Variants in MAF observed in about 807,000 individuals in gnomAD.
MAF encodes MAF bZIP transcription factor, also known as transcription factor Maf.
MAF carries 10 observed loss-of-function variants against 22.0 expected under a neutral mutation model. The observed-to-expected ratio is 0.45, with a 90% confidence interval of 0.28 to 0.77. MAF has a LOEUF of 0.77. Ranked by LOEUF, MAF falls within the 30% of genes least tolerant of loss-of-function variation. The pLI is 0.12. For synonymous variants in MAF, 337 were observed against 255.8 expected, an observed-to-expected ratio of 1.32 and a Z score of -3.03; for missense variants, 544 against 548.4, an observed-to-expected ratio of 0.99 and a Z score of 0.08.
At chr16:79,412,992 G>A in the MAF span, among the ~76,000 whole-genome samples, 2 of 152,116 alleles carry the variant, frequency 1.3e-5, no homozygotes, top group African/African-American at 2.4e-5. Flanking sequence ...ACAGCTTCCT[G>A]TAAAAACACA....
At chr16:79,475,215 C>A in the MAF span, among the ~76,000 whole-genome samples, 1 of 152,116 alleles carries the variant, frequency 6.6e-6, no homozygotes, top group African/African-American at 2.4e-5. Context: ...CCGTTGCTAA[C>A]ACTCTGCCAG....
chr16:79,382,786 G>A, the MAF span, among the ~76,000 whole-genome samples: 61 of 152,302 alleles, frequency 4.0e-4, no homozygotes, highest in Non-Finnish European at 7.6e-4. Context: ...ATAAAATGGT[G>A]CATTTATGTT....
At chr16:79,535,586 C>CTTTTTTTTTTTTTTTTTTTTTTTTT in the MAF span, among the ~76,000 whole-genome samples, 9 of 130,590 alleles carry the variant, frequency 6.9e-5, 4 homozygotes, top group Non-Finnish European at 1.1e-4. Context: ...ATTGCTTCTT[C>CTTTTTTTTTTTTTTTTTTTTTTTTT]TTTTTTTTTT....
the MAF span, among the ~76,000 whole-genome samples, chr16:79,344,180 G>A: frequency 1.3e-5 from 2 of 152,148 alleles, no homozygotes; most frequent in Admixed American, 1.3e-4. Flanking sequence ...GATGAAAATT[G>A]CATCTATACT....
chr16:79,307,792 G>C, the MAF span, among the ~76,000 whole-genome samples: 1 of 152,158 alleles, frequency 6.6e-6, no homozygotes, highest in Non-Finnish European at 1.5e-5. Flanking sequence ...TTAGGCCCTG[G>C]ATTGTGCTAG....
chr16:79,381,920 C>T, the MAF span, among the ~76,000 whole-genome samples: 6 of 152,166 alleles, frequency 3.9e-5, no homozygotes, highest in East Asian at 1.9e-4. Context: ...TGAACTTCCT[C>T]GCTTAACCCA....
chr16:79,416,424 T>C, the MAF span, among the ~76,000 whole-genome samples: 2 of 151,426 alleles, frequency 1.3e-5, no homozygotes, highest in Non-Finnish European at 2.9e-5. Context: ...GAAATATAGG[T>C]GCTTCTGTTT....
At chr16:79,208,808 A>T in the MAF span, among the ~76,000 whole-genome samples, 1 of 152,200 alleles carries the variant, frequency 6.6e-6, no homozygotes, top group Non-Finnish European at 1.5e-5. Flanking sequence ...TCATATTAAG[A>T]TGTCACTCAG....
chr16:79,350,962 T>G, the MAF span, among the ~76,000 whole-genome samples: 2 of 151,900 alleles, frequency 1.3e-5, no homozygotes, highest in Admixed American at 6.6e-5. Flanking sequence ...CCAGATGATC[T>G]GAGAAGGCCT....
the MAF span, among the ~76,000 whole-genome samples, chr16:79,230,465 G>A: frequency 1.6e-3 from 250 of 152,282 alleles, 7 homozygotes; most frequent in East Asian, 0.041. Flanking sequence ...CGGGTGGGCG[G>A]TCTTGAGCAA....
chr16:79,455,891 T>A, the MAF span, among the ~76,000 whole-genome samples: 1 of 151,946 alleles, frequency 6.6e-6, no homozygotes, highest in Non-Finnish European at 1.5e-5. Flanking sequence ...GGAGGCGCAT[T>A]CCTGTAATCT....
chr16:79,475,706 T>C, the MAF span, among the ~76,000 whole-genome samples: 2 of 152,146 alleles, frequency 1.3e-5, no homozygotes, highest in African/African-American at 2.4e-5. Flanking sequence ...TGTATATAAA[T>C]TTCACCTTAA....
chr16:79,229,683 A>G, the MAF span, among the ~76,000 whole-genome samples: 1 of 150,484 alleles, frequency 6.6e-6, no homozygotes, highest in African/African-American at 2.4e-5. Context: ...TGCTTGAGCC[A>G]CGGGGCTGGC....
the MAF span, among the ~76,000 whole-genome samples, chr16:79,273,729 C>G: frequency 6.6e-6 from 1 of 152,140 alleles, no homozygotes; most frequent in Non-Finnish European, 1.5e-5. Context: ...AATAATTATG[C>G]CCACCCAGAT....
At chr16:79,597,761 AG>A in intron 1 of MAF, 1 of 1,019,514 alleles carries the variant, frequency 9.8e-7, no homozygotes, top group Non-Finnish European at 1.2e-6. Context: ...GGAAAAAAAA[AG>A]GAAAAAATAA....
At chr16:79,326,781 G>A in the MAF span, among the ~76,000 whole-genome samples, 9 of 152,266 alleles carry the variant, frequency 5.9e-5, no homozygotes, top group East Asian at 1.9e-4. Flanking sequence ...GCAGGCTATC[G>A]TTTGCTGACT....
At chr16:79,389,849 G>A in the MAF span, among the ~76,000 whole-genome samples, 9 of 151,552 alleles carry the variant, frequency 5.9e-5, no homozygotes, top group South Asian at 2.1e-4. Flanking sequence ...GGTGGTGGGC[G>A]CCTGTAGTCC....
At chr16:79,492,820 A>G in the MAF span, among the ~76,000 whole-genome samples, 37 of 152,262 alleles carry the variant, frequency 2.4e-4, no homozygotes, top group African/African-American at 8.9e-4. Context: ...AAAACTGGCA[A>G]TATTATTCTT....
At chr16:79,249,257 T>C in the MAF span, among the ~76,000 whole-genome samples, 1 of 151,964 alleles carries the variant, frequency 6.6e-6, no homozygotes, top group Non-Finnish European at 1.5e-5. Flanking sequence ...CCATCTCTAC[T>C]AAAAATACAA....
Sources: allele counts gnomAD v4.1 joint callset (sites outside exome capture counted in the v4.1 genomes callset), GRCh38; gene constraint gnomAD v4.1.1; transcripts MANE v1.5; gene names NCBI Gene and HGNC (gene_info 2026-07-23, HGNC 2026-07-21).